Variants in SGCZ observed in about 807,000 individuals in gnomAD.
SGCZ encodes zeta-sarcoglycan.
In SGCZ, 40 loss-of-function variants were observed where a neutral mutation model predicts 41.3. The observed-to-expected ratio is 0.97, with a 90% CI of 0.75 to 1.26. SGCZ has a LOEUF of 1.26. Among genes scored for constraint, SGCZ ranks in the 50% most tolerant of loss-of-function variants. The pLI, the probability that SGCZ is intolerant of heterozygous loss-of-function variation, is 0.00. For missense variants in SGCZ, 552 were observed against 369.8 expected (o/e 1.49, Z -4.04); for synonymous variants, 206 against 137.5 (o/e 1.50, Z -3.49).
At chr8:15,064,648 C>A (rs925312866) in intron 1 of SGCZ, among the ~76,000 whole-genome samples, 1 of 152,020 alleles carries the variant, frequency 6.6e-6, no homozygotes, top group Non-Finnish European at 1.5e-5. Flanking sequence ...GATGCTGGAC[C>A]TCTCATTCCT....
chr8:14,119,679 TATG>T (rs1240863218), intron 5 of SGCZ, among the ~76,000 whole-genome samples: 1 of 152,208 alleles, frequency 6.6e-6, no homozygotes, highest in African/African-American at 2.4e-5. Context: ...GGCCATTCAG[TATG>T]ATATTAGCTG....
intron 1 of SGCZ, among the ~76,000 whole-genome samples, chr8:14,872,851 T>C (rs889717324): frequency 6.6e-6 from 1 of 152,158 alleles, no homozygotes; most frequent in African/African-American, 2.4e-5. Flanking sequence ...TTAACCATAG[T>C]AGATTCTCAA....
At chr8:14,824,269 T>C (rs1454561550) in intron 1 of SGCZ, among the ~76,000 whole-genome samples, 5 of 152,034 alleles carry the variant, frequency 3.3e-5, no homozygotes, top group Admixed American at 3.3e-4. Context: ...CACAAATAAA[T>C]GATAAATGCA....
intron 2 of SGCZ, among the ~76,000 whole-genome samples, chr8:14,369,173 G>A (rs1803822566): frequency 6.6e-6 from 1 of 151,894 alleles, no homozygotes; most frequent in African/African-American, 2.4e-5. Flanking sequence ...TTTATCAGTT[G>A]TTTCAAGAAT....
chr8:14,330,875 C>T (rs1802294198), intron 2 of SGCZ, among the ~76,000 whole-genome samples: 2 of 151,806 alleles, frequency 1.3e-5, no homozygotes, highest in African/African-American at 4.8e-5. Flanking sequence ...AATGATTTAT[C>T]ACTAAAAAAG....
chr8:14,545,042 T>C (rs1474933089), intron 2 of SGCZ, among the ~76,000 whole-genome samples: 1 of 152,140 alleles, frequency 6.6e-6, no homozygotes, highest in Non-Finnish European at 1.5e-5. Context: ...CCTACAGATA[T>C]GTGATGTCAC....
At chr8:15,180,624 G>A (rs781040412) in intron 1 of SGCZ, among the ~76,000 whole-genome samples, 3 of 151,778 alleles carry the variant, frequency 2.0e-5, no homozygotes, top group African/African-American at 4.8e-5. Flanking sequence ...GGTGACTCAC[G>A]CCTGTAATCC....
intron 7 of SGCZ, among the ~76,000 whole-genome samples, chr8:14,094,966 C>T (rs1282614526): frequency 2.8e-5 from 3 of 105,972 alleles, no homozygotes; most frequent in Admixed American, 1.0e-4. Flanking sequence ...ATCCTTTGCC[C>T]ACTTTTTGAT....
chr8:15,039,373 A>C (rs1210165581), intron 1 of SGCZ, among the ~76,000 whole-genome samples: 1 of 152,190 alleles, frequency 6.6e-6, no homozygotes, highest in Non-Finnish European at 1.5e-5. Flanking sequence ...AGCCAGGCAC[A>C]GAGAGACAAA....
At chr8:14,285,818 G>A (rs1379215721) in intron 3 of SGCZ, among the ~76,000 whole-genome samples, 1 of 152,068 alleles carries the variant, frequency 6.6e-6, no homozygotes, top group East Asian at 1.9e-4. Flanking sequence ...AAAGAGTGGA[G>A]AGAGGCTTAT....
At chr8:14,540,901 T>A (rs1341314202) in intron 2 of SGCZ, among the ~76,000 whole-genome samples, 2 of 151,728 alleles carry the variant, frequency 1.3e-5, no homozygotes, top group African/African-American at 4.8e-5. Context: ...GCCTTAACTG[T>A]TCTTTACTGC....
intron 2 of SGCZ, among the ~76,000 whole-genome samples, chr8:14,507,268 C>T (rs994702140): frequency 2.6e-5 from 4 of 152,084 alleles, no homozygotes; most frequent in Non-Finnish European, 4.4e-5. Flanking sequence ...TAAAGGCCAC[C>T]GTCTTTCTTA....
intron 1 of SGCZ, among the ~76,000 whole-genome samples, chr8:15,206,496 G>C (rs1389866728): frequency 6.7e-6 from 1 of 148,700 alleles, no homozygotes; most frequent in African/African-American, 2.5e-5. Flanking sequence ...TTCGACCCAG[G>C]CTGCAGTACA....
chr8:14,489,312 G>A (rs995726572), intron 2 of SGCZ, among the ~76,000 whole-genome samples: 8 of 151,532 alleles, frequency 5.3e-5, no homozygotes, highest in East Asian at 1.9e-4. Context: ...TATTTCTTTC[G>A]GTGGCCACAA....
chr8:14,935,494 T>A (rs1015294508), intron 1 of SGCZ, among the ~76,000 whole-genome samples: 2 of 150,518 alleles, frequency 1.3e-5, no homozygotes, highest in African/African-American at 2.5e-5. Context: ...TATTAAAAGA[T>A]CCAGTTATGG....
intron 1 of SGCZ, among the ~76,000 whole-genome samples, chr8:14,688,580 C>A (rs1585183871): frequency 6.6e-6 from 1 of 152,144 alleles, no homozygotes; most frequent in Non-Finnish European, 1.5e-5. Context: ...CAGTACCATG[C>A]TGTTTTGGTT....
At chr8:14,291,546 C>T (rs13269970) in intron 3 of SGCZ, among the ~76,000 whole-genome samples, 1 of 151,504 alleles carries the variant, frequency 6.6e-6, no homozygotes, top group Non-Finnish European at 1.5e-5. Context: ...ATTGAAATAT[C>T]TTAGCTGTCT....
chr8:14,356,786 C>G (rs558353938), intron 2 of SGCZ, among the ~76,000 whole-genome samples: 1 of 151,942 alleles, frequency 6.6e-6, no homozygotes, highest in African/African-American at 2.4e-5. Flanking sequence ...GCAAATAATA[C>G]TAGGTAGGGC....
chr8:14,738,433 A>G (rs996591857), intron 1 of SGCZ, among the ~76,000 whole-genome samples: 2 of 152,128 alleles, frequency 1.3e-5, no homozygotes, highest in African/African-American at 2.4e-5. Context: ...GCCGCTAGCT[A>G]GACCCAACTG....
Sources: allele counts gnomAD v4.1 joint callset (sites outside exome capture counted in the v4.1 genomes callset), GRCh38; gene constraint gnomAD v4.1.1; transcripts MANE v1.5; gene names NCBI Gene and HGNC (gene_info 2026-07-23, HGNC 2026-07-21).